SEMA6D: variants seen among roughly 807,000 people sequenced by gnomAD.
SEMA6D encodes the protein semaphorin 6D.
In SEMA6D, 35 loss-of-function variants were observed where a neutral mutation model predicts 106.6. The ratio of observed to expected loss-of-function variants is 0.33; its 90% CI spans 0.25 to 0.44. The LOEUF (loss-of-function observed/expected upper bound fraction) is 0.44. Among genes scored for constraint, SEMA6D ranks in the 20% least tolerant of loss-of-function variants. SEMA6D has a pLI of 1.00. For synonymous variants in SEMA6D, 499 were observed against 487.7 expected, an observed-to-expected ratio of 1.02 and a Z score of -0.31; for missense variants, 1,185 against 1,345.9, an observed-to-expected ratio of 0.88 and a Z score of 1.87.
chr15:47,301,745 C>T (rs905027388), intron 1 of SEMA6D, among the ~76,000 whole-genome samples: 2 of 152,322 alleles, frequency 1.3e-5, no homozygotes, highest in African/African-American at 2.4e-5. Flanking sequence ...ACGAGACGGG[C>T]AGTGACCATA....
chr15:47,537,257 G>A (rs935231742), intron 3 of SEMA6D, among the ~76,000 whole-genome samples: 3 of 152,190 alleles, frequency 2.0e-5, no homozygotes, highest in Admixed American at 6.5e-5. Flanking sequence ...GGAGGGATGG[G>A]TTTGAACAGA....
chr15:47,304,006 A>T (rs2036126017), intron 1 of SEMA6D, among the ~76,000 whole-genome samples: 1 of 152,198 alleles, frequency 6.6e-6, no homozygotes, highest in Non-Finnish European at 1.5e-5. Flanking sequence ...AGGCTGATCA[A>T]ATGTGGAGGG....
At chr15:47,476,502 C>T (rs1413046632) in intron 3 of SEMA6D, among the ~76,000 whole-genome samples, 2 of 152,096 alleles carry the variant, frequency 1.3e-5, no homozygotes, top group Non-Finnish European at 2.9e-5. Context: ...ACTATTTCTT[C>T]CACTAATGGT....
chr15:47,766,595 C>A, intron 15 of SEMA6D, 21 bp from the exon 16 acceptor site: 1 of 1,611,510 alleles, frequency 6.2e-7, no homozygotes, highest in East Asian at 2.2e-5. Context: ...CCGAAGACTT[C>A]TTTGCTTTCC....
intron 1 of SEMA6D, among the ~76,000 whole-genome samples, chr15:47,744,682 G>A (rs951059312): frequency 7.9e-5 from 12 of 152,166 alleles, no homozygotes; most frequent in African/African-American, 2.9e-4. Flanking sequence ...TCAGTTTGTA[G>A]TACAAAGCCC....
At chr15:47,423,510 T>G (rs929691804) in intron 2 of SEMA6D, among the ~76,000 whole-genome samples, 2 of 152,110 alleles carry the variant, frequency 1.3e-5, no homozygotes, top group African/African-American at 4.8e-5. Context: ...CCTTGTCTAA[T>G]GAAACTCCTA....
intron 1 of SEMA6D, among the ~76,000 whole-genome samples, chr15:47,369,878 T>A (rs1186935444): frequency 6.6e-6 from 1 of 152,272 alleles, no homozygotes; most frequent in African/African-American, 2.4e-5. Flanking sequence ...AATTGAATGC[T>A]TGAAAACCAG....
intron 4 of SEMA6D, among the ~76,000 whole-genome samples, chr15:47,661,127 C>G (rs985957139): frequency 6.6e-6 from 1 of 152,142 alleles, no homozygotes; most frequent in Non-Finnish European, 1.5e-5. Flanking sequence ...AGAGATTTAC[C>G]TGACAGGCGT....
chr15:47,273,720 T>A (rs1413340791), intron 1 of SEMA6D, among the ~76,000 whole-genome samples: 1 of 152,240 alleles, frequency 6.6e-6, no homozygotes, highest in East Asian at 1.9e-4. Flanking sequence ...GCTATCATGA[T>A]GTATTAACAG....
chr15:47,627,129 C>T (rs541615900), intron 4 of SEMA6D, among the ~76,000 whole-genome samples: 3 of 152,132 alleles, frequency 2.0e-5, no homozygotes, highest in Non-Finnish European at 4.4e-5. Flanking sequence ...GCGGCCCTGA[C>T]TTGCTAAGCA....
At chr15:47,352,286 T>C (rs74965702) in intron 1 of SEMA6D, among the ~76,000 whole-genome samples, 6,917 of 152,276 alleles carry the variant, frequency 0.045, 235 homozygotes, top group South Asian at 0.093. Flanking sequence ...TCCATCAAGA[T>C]GTTTGTCATT....
chr15:47,589,026 C>T lies in SEMA6D; in HGVS notation c.-86-11839C>T, dbSNP rs745331368. Among the ~76,000 whole-genome samples, 75 of 152,234 alleles carry T rather than the reference C, an allele frequency of 4.9e-4. 1 individual carries two copies. Among genetic ancestry groups the T allele is most frequent in the Non-Finnish European group, 8.8e-4 (60 of 68,016 alleles). On this transcript the variant is annotated intron_variant, in intron 3 of 19. Coordinates refer to the SEMA6D transcript ENST00000558014. ...AACAGACCCCCAACAAAGGATTATC[C>T]GGCACCAAATGTCAATAGTACTGAG...
intron 10 of SEMA6D, 34 bp from the exon 11 acceptor site, chr15:47,764,140 C>T (rs1206956425): frequency 2.5e-6 from 4 of 1,612,552 alleles, no homozygotes; most frequent in Non-Finnish European, 3.4e-6. Context: ...CTTCATGTCG[C>T]CAGCCTCTTC....
chr15:47,611,999 C>T (rs890226812), intron 4 of SEMA6D, among the ~76,000 whole-genome samples: 1 of 152,032 alleles, frequency 6.6e-6, no homozygotes, highest in Admixed American at 6.5e-5. Flanking sequence ...TGAATGAGAA[C>T]AGAAAGGAGA....
At chr15:47,250,981 T>G (rs1464937742) in intron 1 of SEMA6D, among the ~76,000 whole-genome samples, 1 of 152,242 alleles carries the variant, frequency 6.6e-6, no homozygotes, top group Admixed American at 6.5e-5. Flanking sequence ...TTTTGGCACC[T>G]TGCTTCACAT....
At chr15:47,523,359 AG>A (rs1189673195) in intron 3 of SEMA6D, among the ~76,000 whole-genome samples, 2 of 152,088 alleles carry the variant, frequency 1.3e-5, no homozygotes, top group African/African-American at 2.4e-5. Flanking sequence ...CTTCTTCACC[AG>A]GGGGCTTCCC....
chr15:47,561,827 AG>A (rs2046090245), intron 3 of SEMA6D, among the ~76,000 whole-genome samples: 1 of 151,860 alleles, frequency 6.6e-6, no homozygotes, highest in African/African-American at 2.4e-5. Flanking sequence ...ATTGCATGAG[AG>A]AGGAAGATAT....
At chr15:47,626,751 TC>T in intron 4 of SEMA6D, among the ~76,000 whole-genome samples, 1 of 152,052 alleles carries the variant, frequency 6.6e-6, no homozygotes. Flanking sequence ...GAATAACAAG[TC>T]CCCTTGTTTG....
At chr15:47,429,764 T>TA (rs1567073742) in intron 2 of SEMA6D, among the ~76,000 whole-genome samples, 20 of 148,304 alleles carry the variant, frequency 1.3e-4, no homozygotes, top group African/African-American at 4.6e-4. Context: ...ATATATATAT[T>TA]TTTTAAAAAA....
Sources: allele counts gnomAD v4.1 joint callset (sites outside exome capture counted in the v4.1 genomes callset), GRCh38; gene constraint gnomAD v4.1.1; transcripts MANE v1.5; gene names NCBI Gene and HGNC (gene_info 2026-07-23, HGNC 2026-07-21).